GABRB2: variants seen among roughly 807,000 people sequenced by gnomAD.
GABRB2 encodes gamma-aminobutyric acid type A receptor subunit beta2.
In GABRB2, 16 loss-of-function variants were observed where a neutral mutation model predicts 54.7. The observed-to-expected ratio is 0.29, with a 90% CI of 0.20 to 0.44. The LOEUF (loss-of-function observed/expected upper bound fraction) is 0.44, where lower values mean the gene tolerates loss of function less well. GABRB2 is among the 20% of genes least tolerant of loss of function. The probability of loss-of-function intolerance (pLI) is 1.00; values close to 1 mark genes in which losing one functional copy is unlikely to be tolerated. For missense variants in GABRB2, 355 were observed against 644.0 expected, an observed-to-expected ratio of 0.55 and a Z score of 4.86; for synonymous variants, 244 against 233.8, an observed-to-expected ratio of 1.04 and a Z score of -0.40.
At chr5:161,531,311 G>T (rs1246163193) in intron 3 of GABRB2, among the ~76,000 whole-genome samples, 1 of 152,086 alleles carries the variant, frequency 6.6e-6, no homozygotes, top group Non-Finnish European at 1.5e-5. Flanking sequence ...TACAGTTGAT[G>T]AAAATTCTAT....
intron 3 of GABRB2, among the ~76,000 whole-genome samples, chr5:161,494,914 T>C (rs1759186674): frequency 2.0e-5 from 3 of 151,910 alleles, no homozygotes; most frequent in African/African-American, 7.2e-5. Context: ...ATATAAGTAG[T>C]AAAAATTTAA....
intron 3 of GABRB2, among the ~76,000 whole-genome samples, chr5:161,535,328 T>C (rs1378296548): frequency 6.6e-6 from 1 of 152,174 alleles, no homozygotes; most frequent in African/African-American, 2.4e-5. Flanking sequence ...GTGAATAAAG[T>C]ACCTACTTAA....
At chr5:161,313,648 T>A (rs12515928) in intron 9 of GABRB2, among the ~76,000 whole-genome samples, 10,798 of 152,150 alleles carry the variant, frequency 0.071, 609 homozygotes, top group Admixed American at 0.16. Context: ...CTGGTAGATA[T>A]CAACTTCAAA....
chr5:161,297,945 T>C (rs1757430243), intron 9 of GABRB2, among the ~76,000 whole-genome samples: 1 of 152,172 alleles, frequency 6.6e-6, no homozygotes, highest in Non-Finnish European at 1.5e-5. Flanking sequence ...CCAGCATCTG[T>C]TGTTTCCTGA....
intron 8 of GABRB2, among the ~76,000 whole-genome samples, chr5:161,328,828 C>A (rs173766): frequency 0.34 from 51,397 of 151,684 alleles, 8,857 homozygotes; most frequent in African/African-American, 0.38. Context: ...ATAGTTTTTA[C>A]AATGAAAGAT....
At chr5:161,299,996 C>A (rs1757490288) in intron 9 of GABRB2, among the ~76,000 whole-genome samples, 1 of 152,150 alleles carries the variant, frequency 6.6e-6, no homozygotes, top group South Asian at 2.1e-4. Flanking sequence ...AACATAGGTG[C>A]TGCTAAATTT....
At chr5:161,365,964 G>A (rs565932156) in intron 5 of GABRB2, among the ~76,000 whole-genome samples, 1 of 151,042 alleles carries the variant, frequency 6.6e-6, no homozygotes, top group African/African-American at 2.4e-5. Context: ...TTATGCCTGG[G>A]GTTATACTTA....
At chr5:161,335,402 T>TA (rs1351702362) in intron 6 of GABRB2, among the ~76,000 whole-genome samples, 1 of 152,168 alleles carries the variant, frequency 6.6e-6, no homozygotes, top group Non-Finnish European at 1.5e-5. Context: ...TTCTTTTTTT[T>TA]AATAGTTTCA....
intron 3 of GABRB2, among the ~76,000 whole-genome samples, chr5:161,471,501 C>T (rs1758437599): frequency 6.6e-6 from 1 of 151,990 alleles, no homozygotes; most frequent in East Asian, 1.9e-4. Flanking sequence ...GGAAGCTGCA[C>T]CTAAGATCAC....
chr5:161,298,572 G>A (rs918454152), intron 9 of GABRB2, among the ~76,000 whole-genome samples: 4 of 152,144 alleles, frequency 2.6e-5, no homozygotes, highest in African/African-American at 4.8e-5. Context: ...AATAAGATGG[G>A]TTTAACTTTG....
intron 5 of GABRB2, among the ~76,000 whole-genome samples, chr5:161,380,886 G>C (rs1436763585): frequency 6.6e-6 from 1 of 151,516 alleles, no homozygotes; most frequent in East Asian, 1.9e-4. Flanking sequence ...GGGCTTTACT[G>C]AATGTGGGGT....
chr5:161,478,117 A>G (rs1160559559), intron 3 of GABRB2, among the ~76,000 whole-genome samples: 1 of 152,000 alleles, frequency 6.6e-6, no homozygotes, highest in Non-Finnish European at 1.5e-5. Context: ...CTTTTGAACA[A>G]TTACACTGAG....
chr5:161,509,172 C>T (rs1443548904), intron 3 of GABRB2, among the ~76,000 whole-genome samples: 2 of 151,792 alleles, frequency 1.3e-5, no homozygotes, highest in African/African-American at 4.8e-5. Flanking sequence ...TTAAAGCATC[C>T]CAACAACCAG....
chr5:161,315,019 C>G (rs559057445), intron 9 of GABRB2, among the ~76,000 whole-genome samples: 60 of 151,916 alleles, frequency 3.9e-4, no homozygotes, highest in African/African-American at 1.4e-3. Flanking sequence ...GATTTGGCTT[C>G]TGGTAGTGAT....
At chr5:161,335,018 A>C (rs1293574002) in intron 6 of GABRB2, 114 bp from the exon 7 acceptor site, 2 of 1,040,426 alleles carry the variant, frequency 1.9e-6, no homozygotes, top group African/African-American at 3.2e-5. Flanking sequence ...CTCTTAGTGA[A>C]GGACACTTTC....
intron 3 of GABRB2, among the ~76,000 whole-genome samples, chr5:161,477,821 G>A (rs1758642091): frequency 1.3e-5 from 2 of 151,982 alleles, no homozygotes; most frequent in African/African-American, 4.8e-5. Flanking sequence ...GAGAAATTGA[G>A]GGTTGTCGTT....
intron 5 of GABRB2, among the ~76,000 whole-genome samples, chr5:161,354,734 A>G (rs1754566015): frequency 6.6e-6 from 1 of 152,086 alleles, no homozygotes; most frequent in Non-Finnish European, 1.5e-5. Flanking sequence ...TATCATATAA[A>G]TAAAACAAAC....
chr5:161,367,557 A>G (rs1755006453), intron 5 of GABRB2, among the ~76,000 whole-genome samples: 1 of 152,156 alleles, frequency 6.6e-6, no homozygotes, highest in South Asian at 2.1e-4. Flanking sequence ...GCCTTTTCCA[A>G]TTTGCACTTT....
At chr5:161,403,960 G>A (rs1200598885) in intron 5 of GABRB2, among the ~76,000 whole-genome samples, 4 of 152,078 alleles carry the variant, frequency 2.6e-5, no homozygotes, top group Non-Finnish European at 4.4e-5. Flanking sequence ...CTAGGGGAAA[G>A]AACACTTTAG....
Sources: allele counts gnomAD v4.1 joint callset (sites outside exome capture counted in the v4.1 genomes callset), GRCh38; gene constraint gnomAD v4.1.1; transcripts MANE v1.5; gene names NCBI Gene and HGNC (gene_info 2026-07-23, HGNC 2026-07-21).